RNF207: variants seen among roughly 807,000 people sequenced by gnomAD.
RNF207 encodes OTTHUMG00000001089.
Under a neutral mutation model 79.0 loss-of-function variants are expected in RNF207, and 72 were observed. The observed-to-expected ratio is 0.91, with a 90% confidence interval of 0.75 to 1.11. The LOEUF is 1.11. RNF207 is among the 50% of genes least tolerant of loss of function. The pLI is 0.00. For missense variants in RNF207, 936 were observed against 855.8 expected (o/e 1.09, Z -1.17); for synonymous variants, 348 against 366.2 (o/e 0.95, Z 0.57).
In RNF207 at chr1:6,210,797, G is replaced by C. The variant is rs1055557170; in HGVS notation, c.943-73G>C. On this transcript the variant is annotated intron_variant, in intron 10 of 17. Transcript: ENST00000377939. The stretch of plus-strand genomic sequence containing the variant: ...CAAGTGCCAAAGACAGACGTGCTCC[G>C]CCTCCATCTCCCCTCTTCCTGCCCC... The C allele has an allele frequency of 3.8e-6, 5 of 1,331,906 alleles. No individual in the cohort carries two copies. In the Admixed American group the frequency reaches 9.8e-5, roughly 26 times the overall value. The allele number at this position is 1,331,906 out of a possible 1,614,324, so 82.5% of individuals were successfully genotyped here.
intron 16 of RNF207, among the ~76,000 whole-genome samples, chr1:6,215,332 T>C (rs879469551): frequency 0.04 from 4,839 of 120,336 alleles, 137 homozygotes; most frequent in African/African-American, 0.11. Flanking sequence ...CCGGCCCCCC[T>C]TTTTTTTTTT....
Position 6,212,322 on chromosome 1 carries a change from T to A in RNF207, c.1388T>A (p.Ile463Asn). The A allele has an allele frequency of 6.2e-7, 1 of 1,612,564 alleles. No individual in the cohort carries two copies. Among genetic ancestry groups the A allele is most frequent in the Non-Finnish European group, 8.5e-7 (1 of 1,179,780 alleles). ...CACCACTCGCTCATCAAGGCGGAGA[T>A]CATGGGAGACGTCCTGCACAAGTCC... Reference protein sequence around the residue: ...TKHHSLIKAEIMGDVLHKSLQ... With the variant: ...TKHHSLIKAENMGDVLHKSLQ... The change falls in exon 14 of 18, where the codon ATC (isoleucine) becomes AAC (asparagine). Residue 463 changes from isoleucine to asparagine, a missense_variant. Physicochemically the swap from Ile to Asn is moderately radical, Grantham distance 149. Coordinates refer to ENST00000377939, the MANE Select transcript of RNF207 (RefSeq NM_207396.3).
chr1:6,214,626 CTTTCTTTTT>C (rs1205802947), intron 16 of RNF207, among the ~76,000 whole-genome samples: 10 of 95,612 alleles, frequency 1.0e-4, no homozygotes, highest in Admixed American at 4.2e-4. Context: ...TGGAATATTT[CTTTCTTTTT>C]TTTTTTTTTT....
In RNF207 at chr1:6,217,462, C is replaced by T. The variant is rs1038040401; in HGVS notation, c.1653-827C>T. Among the ~76,000 whole-genome samples the T allele has an allele frequency of 1.3e-5, 2 of 152,196 alleles. No homozygotes were observed. The highest frequency in any genetic ancestry group is 2.4e-5 in the African/African-American group (1 of 41,446). ...CATCTCCCACTGCCCCCTTCCTGGG[C>T]AGCCCTACCTGGATGTCTACAGGCA... On this transcript the variant is annotated intron_variant, in intron 16 of 17. Transcript: ENST00000377939. The surrounding 1 kb of genome is among the most constrained non-coding windows in gnomAD (Gnocchi z 4.2).
At chr1:6,212,186 A>G (rs775672536) in intron 13 of RNF207, 45 bp from the exon 14 acceptor site, 2 of 1,577,994 alleles carry the variant, frequency 1.3e-6, no homozygotes, top group South Asian at 2.3e-5. Flanking sequence ...TGGCAGTAAA[A>G]ACAGCCTAGG....
In RNF207 at chr1:6,220,399, C is replaced by T. The variant is rs943562443; in HGVS notation, c.*992C>T. 1.3e-5 allele frequency: 2 copies of T among 152,206 alleles called. No homozygotes were observed. The highest frequency in any genetic ancestry group is 2.9e-5 in the Non-Finnish European group (2 of 68,048). 9.4% of individuals were successfully genotyped at this position (152,206 alleles called of 1,614,324 possible). On this transcript the variant is annotated 3_prime_UTR_variant, in exon 18 of 18. Coordinates refer to ENST00000377939, the MANE Select transcript of RNF207 (RefSeq NM_207396.3). ...GGTGTGCCGGTTTTAGGTAACAAGACTCCACCACTGAGTGGCACCTGCCCT... is the reference window on the plus strand; with the variant it reads ...GGTGTGCCGGTTTTAGGTAACAAGATTCCACCACTGAGTGGCACCTGCCCT...
rs1370448491 is a variant in RNF207 at position 6,210,157 on chromosome 1, G to A, written c.801-66G>A. The A allele has an allele frequency of 2.1e-6, 3 of 1,438,298 alleles. No homozygotes were observed. In the African/African-American group the frequency reaches 4.2e-5, roughly 20 times the overall value. 89.1% of individuals were successfully genotyped at this position (1,438,298 alleles called of 1,614,324 possible). A position where few individuals can be genotyped will look rare whatever the true frequency, so the allele number is the denominator to read the frequency against. ...GACGGACATGCGAAGCTGGAGGCGG[G>A]TGGGGGATGGAACTGCCCGGCCCTG... On this transcript the variant is annotated intron_variant, in intron 8 of 17. Coordinates refer to ENST00000377939, the MANE Select transcript of RNF207 (RefSeq NM_207396.3).
rs1216764614 is a variant in RNF207 at position 6,220,604 on chromosome 1, C to T, written c.*1197C>T. 1 of 152,210 alleles carries T rather than the reference C, an allele frequency of 6.6e-6. No homozygotes were observed. Among genetic ancestry groups the T allele is most frequent in the Non-Finnish European group, 1.5e-5 (1 of 68,054 alleles). 9.4% of individuals were successfully genotyped at this position (152,210 alleles called of 1,614,324 possible). ...AAGCCAGGGGTTAGCACCTGGCCAG[C>T]TTATGTGGCAGATGGTCTCAGTTAC... On this transcript the variant is annotated 3_prime_UTR_variant, in exon 18 of 18. Transcript: ENST00000377939.
At position 6,220,394 on chromosome 1, in the gene RNF207, CAA is replaced by C; in HGVS notation, c.*988_*989del. On this transcript the variant is annotated 3_prime_UTR_variant, in exon 18 of 18. Transcript: ENST00000377939. ...GTCAGGGTGTGCCGGTTTTAGGTAA[CAA>C]GACTCCACCACTGAGTGGCACCTGC... 1 of 152,294 alleles carries C rather than the reference CAA, an allele frequency of 6.6e-6. No individual in the cohort carries two copies. Among genetic ancestry groups the C allele is most frequent in the Non-Finnish European group, 1.5e-5 (1 of 68,030 alleles). 9.4% of individuals were successfully genotyped at this position (152,294 alleles called of 1,614,324 possible).
rs1213494954 is a variant in RNF207, at chr1:6,211,017, C to G, written c.1012-4C>G. ...CCACCTCATGACCCCATCCCGCTGC[C>G]CAGATTGCCAGTGACCACCGAGCTG... On this transcript the variant is annotated splice_region_variant and splice_polypyrimidine_tract_variant and intron_variant, in intron 11 of 17. Transcript: ENST00000377939. This position sits in a 1 kb window ranked among gnomAD's most constrained non-coding sequence, Gnocchi z 4.2. The G allele has an allele frequency of 2.5e-6, 4 of 1,607,922 alleles. No individual in the cohort carries two copies. The highest frequency in any genetic ancestry group is 3.4e-6 in the Non-Finnish European group (4 of 1,177,848).
intron 16 of RNF207, among the ~76,000 whole-genome samples, chr1:6,215,413 C>T (rs553965779): frequency 3.6e-4 from 54 of 151,468 alleles, no homozygotes; most frequent in Admixed American, 1.5e-3. Context: ...GTGATCCTCC[C>T]GCCTCATCCT....
rs750256229 is a variant in RNF207 at position 6,207,515 on chromosome 1, GGGGCGGCA to G, written c.324+11_324+18del. 6.3e-7 allele frequency: 1 copy of G among 1,598,306 alleles called. No homozygotes were observed. Among genetic ancestry groups the G allele is most frequent in the African/African-American group, 1.3e-5 (1 of 74,788 alleles). ...TGACCTGGAGTGCAGCGAGCAGGCA[GGGGCGGCA>G]GGGCGGGTGGGTGAGGAGCAGAGGG... On this transcript the variant is annotated splice_donor_5th_base_variant and intron_variant, in intron 3 of 17. Transcript: ENST00000377939. This position sits in a 1 kb window ranked among gnomAD's most constrained non-coding sequence, Gnocchi z 4.5.
intron 10 of RNF207, 118 bp from the exon 11 acceptor site, chr1:6,210,752 G>A (rs1022289682): frequency 9.7e-5 from 87 of 893,464 alleles, no homozygotes; most frequent in Non-Finnish European, 1.4e-4. Context: ...GAGGGCTGGC[G>A]CTGCTAAGGG....
chr1:6,218,224 G>T, intron 16 of RNF207, 65 bp from the exon 17 acceptor site: 1 of 1,130,334 alleles, frequency 8.8e-7, no homozygotes, highest in Non-Finnish European at 1.3e-6. Flanking sequence ...TGAGGTTTCT[G>T]AGCTTAAGGC....
intron 16 of RNF207, among the ~76,000 whole-genome samples, chr1:6,214,462 G>A (rs1486308091): frequency 6.6e-6 from 1 of 151,530 alleles, no homozygotes; most frequent in Non-Finnish European, 1.5e-5. Flanking sequence ...GAGTGCAGTG[G>A]CGCGATCTTG....
rs747663763 is a variant in RNF207, at chr1:6,210,920, GC to G, written c.995del (p.Pro332LeufsTer44). 16 of 1,606,786 alleles carry G rather than the reference GC, an allele frequency of 1.0e-5. No homozygotes were observed. The highest frequency in any genetic ancestry group is 1.6e-4 in the Middle Eastern group (1 of 6,066). ...GIVTRPHHLRPIQSSKIASDH... is the reference protein window; with the variant it reads ...GIVTRPHHLRXIQSSKIASDH... ...TCGTCACGCGGCCGCACCACCTAAG[GC>G]CTATTCAGAGCAGCAAGGTGTGCAG... On this transcript the variant is annotated frameshift_variant, in exon 11 of 18. Coordinates refer to ENST00000377939, the MANE Select transcript of RNF207 (RefSeq NM_207396.3). LOFTEE classifies it high-confidence loss of function.
chr1:6,208,472 C>T (rs1474989703), intron 3 of RNF207: 2 of 174,302 alleles, frequency 1.1e-5, no homozygotes, highest in Non-Finnish European at 2.4e-5. Flanking sequence ...GCGCCCGCCA[C>T]CATGCCCAGC....
intron 7 of RNF207, 66 bp downstream of exon 7, chr1:6,209,605 G>A: frequency 2.1e-6 from 3 of 1,403,720 alleles, no homozygotes; most frequent in Non-Finnish European, 2.8e-6. Context: ...CTGGTCCCTT[G>A]CCCTTGTGGA....
rs1260500879 is a variant in RNF207 at position 6,217,598 on chromosome 1, G to A, written c.1653-691G>A. 6.6e-6 allele frequency among the ~76,000 whole-genome samples: 1 copy of A among 152,168 alleles called. No individual in the cohort carries two copies. The highest frequency in any genetic ancestry group is 1.5e-5 in the Non-Finnish European group (1 of 68,028). On this transcript the variant is annotated intron_variant, in intron 16 of 17. Transcript: ENST00000377939. This position sits in a 1 kb window ranked among gnomAD's most constrained non-coding sequence, Gnocchi z 4.2. ...ATTCACTCAGGTGAAAAGCCTGGGA[G>A]AAAGCCTGGATTCCTTTCACCCACT...
Sources: gnomAD v4.1 joint callset for allele counts (sites outside exome capture counted in the v4.1 genomes callset) on GRCh38, gnomAD v4.1.1 for gene constraint, Gnocchi (gnomAD v3.1) non-coding constraint, MANE v1.5 for transcripts, NCBI Gene and HGNC (gene_info 2026-07-23, HGNC 2026-07-21) for gene names.